The following LHFPL7 variants were observed in gnomAD, a reference collection of about 807,000 sequenced individuals.
The protein encoded by LHFPL7 is LHFPL tetraspan subfamily member 7 protein.
chr22:24,935,304 G>A, the LHFPL7 span: 3,562 of 1,597,730 alleles, frequency 2.2e-3, 84 homozygotes, highest in African/African-American at 0.042. Flanking sequence ...ACTCTGGAGT[G>A]TGCCCTTTGT....
the LHFPL7 span, among the ~76,000 whole-genome samples, chr22:24,942,892 A>AGTGTGTGTGTGTGTGT: frequency 2.3e-5 from 3 of 128,052 alleles, no homozygotes; most frequent in Admixed American, 1.6e-4. Context: ...AAGGGGATAA[A>AGTGTGTGTGTGTGTGT]GTGTGTGTGT....
At chr22:24,946,621 G>A in the LHFPL7 span, 6 of 152,384 alleles carry the variant, frequency 3.9e-5, no homozygotes, top group Admixed American at 2.6e-4. Flanking sequence ...CTCAGGCTCC[G>A]GCTTTGGATC....
chr22:24,941,314 A>T, the LHFPL7 span, among the ~76,000 whole-genome samples: 1 of 151,876 alleles, frequency 6.6e-6, no homozygotes, highest in African/African-American at 2.4e-5. Flanking sequence ...GACTACAGGC[A>T]CATGCCACCA....
the LHFPL7 span, among the ~76,000 whole-genome samples, chr22:24,940,695 C>T: frequency 2.9e-5 from 1 of 34,720 alleles, no homozygotes; most frequent in African/African-American, 1.4e-4. Flanking sequence ...CTCTCTCCCT[C>T]CCTCCTTCCC....
the LHFPL7 span, among the ~76,000 whole-genome samples, chr22:24,944,917 C>T: frequency 2.6e-5 from 4 of 151,990 alleles, no homozygotes; most frequent in African/African-American, 4.8e-5. Flanking sequence ...TCAAGCAATT[C>T]TCCTGCCTCA....
At chr22:24,937,637 A>G in the LHFPL7 span, among the ~76,000 whole-genome samples, 1 of 152,216 alleles carries the variant, frequency 6.6e-6, no homozygotes, top group African/African-American at 2.4e-5. Context: ...TAATCCAGGC[A>G]AGAGATGGTG....
chr22:24,940,688 TCTCCCTCCC>T, the LHFPL7 span, among the ~76,000 whole-genome samples: 97 of 64,534 alleles, frequency 1.5e-3, no homozygotes, highest in Admixed American at 2.7e-3. Flanking sequence ...CTTCCTTCTC[TCTCCCTCCC>T]TCCTTCCCTC....
the LHFPL7 span, among the ~76,000 whole-genome samples, chr22:24,946,019 A>G: frequency 6.6e-6 from 1 of 152,198 alleles, no homozygotes; most frequent in South Asian, 2.1e-4. Context: ...ATTTAAAACT[A>G]TGGATGTTGG....
At chr22:24,939,358 C>T in the LHFPL7 span, 1 of 703,004 alleles carries the variant, frequency 1.4e-6, no homozygotes, top group Non-Finnish European at 2.6e-6. Context: ...TCAGGAATAT[C>T]CTCCAGGGAA....
the LHFPL7 span, chr22:24,939,312 T>A: frequency 2.8e-6 from 2 of 702,670 alleles, no homozygotes; most frequent in South Asian, 3.0e-5. Context: ...GAAGACCCAG[T>A]GACTTGGTGA....
chr22:24,941,952 A>G, the LHFPL7 span, among the ~76,000 whole-genome samples: 1 of 151,614 alleles, frequency 6.6e-6, no homozygotes, highest in Non-Finnish European at 1.5e-5. Context: ...CGCGTGAGCC[A>G]CTGCACCTGG....
At chr22:24,940,675 C>CCTTCCTTCCT in the LHFPL7 span, among the ~76,000 whole-genome samples, 5 of 17,932 alleles carry the variant, frequency 2.8e-4, no homozygotes, top group Admixed American at 8.2e-4. Context: ...CCTTCCTTCC[C>CCTTCCTTCCT]TCCTTCCTTC....
the LHFPL7 span, among the ~76,000 whole-genome samples, chr22:24,940,023 G>T: frequency 1.4e-5 from 2 of 145,238 alleles, no homozygotes; most frequent in African/African-American, 5.0e-5. Flanking sequence ...CGCCTCCCGG[G>T]GTCACGCCAT....
chr22:24,946,417 A>ACCCC, the LHFPL7 span, among the ~76,000 whole-genome samples: 7 of 46,736 alleles, frequency 1.5e-4, no homozygotes, highest in South Asian at 1.4e-3. Context: ...GCACCCACCC[A>ACCCC]CCCACCCACA....
the LHFPL7 span, among the ~76,000 whole-genome samples, chr22:24,941,065 T>C: frequency 6.6e-6 from 1 of 152,042 alleles, no homozygotes; most frequent in African/African-American, 2.4e-5. Context: ...ACTTTGTTTT[T>C]TTTTTATTTT....
chr22:24,943,794 G>T, the LHFPL7 span, among the ~76,000 whole-genome samples: 1 of 152,182 alleles, frequency 6.6e-6, no homozygotes, highest in Admixed American at 6.5e-5. Context: ...CTGCCCAGGG[G>T]ACAGGGATGA....
the LHFPL7 span, chr22:24,939,308 C>A: frequency 1.4e-6 from 1 of 702,612 alleles, no homozygotes. Context: ...CCCTGAAGAC[C>A]CAGTGACTTG....
At chr22:24,940,257 G>A in the LHFPL7 span, among the ~76,000 whole-genome samples, 3 of 147,878 alleles carry the variant, frequency 2.0e-5, no homozygotes, top group African/African-American at 7.4e-5. Flanking sequence ...AGCCTCCTCT[G>A]TTCTAAAGGG....
chr22:24,935,318 A>G, the LHFPL7 span: 1 of 1,606,988 alleles, frequency 6.2e-7, no homozygotes, highest in Non-Finnish European at 8.5e-7. Context: ...CCTTTGTGCT[A>G]CTCCCAGGAG....
Sources: gnomAD v4.1 joint callset for allele counts (sites outside exome capture counted in the v4.1 genomes callset) on GRCh38, gnomAD v4.1.1 for gene constraint, MANE v1.5 for transcripts, NCBI Gene and HGNC (gene_info 2026-07-23, HGNC 2026-07-21) for gene names.